Variants in UGT1A9 observed in about 807,000 individuals in gnomAD.
The protein encoded by UGT1A9 is UDP-glucuronosyltransferase 1A9.
A neutral mutation model predicts 45.0 loss-of-function variants in UGT1A9; 35 were observed. That is an observed-to-expected ratio of 0.78 (90% CI 0.59 to 1.03). UGT1A9 has a LOEUF of 1.03. UGT1A9 is among the 50% of genes least tolerant of loss of function. UGT1A9 has a pLI of 0.00. For missense variants in UGT1A9, 687 were observed against 666.6 expected (o/e 1.03, Z -0.34); for synonymous variants, 278 against 250.6 (o/e 1.11, Z -1.03).
intron 1 of UGT1A9, chr2:233,693,055 C>A: frequency 6.2e-7 from 1 of 1,614,174 alleles, no homozygotes; most frequent in South Asian, 1.1e-5. Context: ...GGGTTTTCTT[C>A]TTAGCACTTT....
chr2:233,713,411 C>G (rs1475467341), intron 1 of UGT1A9: 6 of 1,614,112 alleles, frequency 3.7e-6, no homozygotes, highest in Non-Finnish European at 5.1e-6. Flanking sequence ...TGATCAGGCA[C>G]CTGCATGCTA....
intron 1 of UGT1A9, among the ~76,000 whole-genome samples, chr2:233,738,155 C>A (rs1206692436): frequency 1.3e-5 from 2 of 152,160 alleles, no homozygotes; most frequent in Non-Finnish European, 2.9e-5. Context: ...GCAAGCTATT[C>A]CTCTTTCTCT....
At chr2:233,748,812 T>C (rs1268165995) in intron 1 of UGT1A9, among the ~76,000 whole-genome samples, 2 of 151,274 alleles carry the variant, frequency 1.3e-5, no homozygotes. Context: ...CAAGAAATTG[T>C]GGAAGGGTCT....
chr2:233,686,416 T>C (rs2074788594), intron 1 of UGT1A9, among the ~76,000 whole-genome samples: 1 of 152,184 alleles, frequency 6.6e-6, no homozygotes, highest in Non-Finnish European at 1.5e-5. Context: ...GGTGTGCAGA[T>C]AAACACACGC....
intron 1 of UGT1A9, chr2:233,718,627 T>C (rs1335320809): frequency 1.1e-6 from 1 of 929,164 alleles, no homozygotes; most frequent in Non-Finnish European, 1.3e-6. Flanking sequence ...GTGATTGGTC[T>C]TTCCCAGGGT....
chr2:233,763,841 T>C (rs1452550547), intron 1 of UGT1A9, among the ~76,000 whole-genome samples: 1 of 152,178 alleles, frequency 6.6e-6, no homozygotes, highest in Admixed American at 6.5e-5. Context: ...CAGGGTAAGA[T>C]AGCAGTGGTT....
At chr2:233,719,051 G>T in intron 1 of UGT1A9, 1 of 1,614,262 alleles carries the variant, frequency 6.2e-7, no homozygotes, top group Non-Finnish European at 8.5e-7. Context: ...TTTTCACCCT[G>T]ACAGCCTATG....
chr2:233,679,016 G>A (rs1203184206), intron 1 of UGT1A9, among the ~76,000 whole-genome samples: 1 of 152,206 alleles, frequency 6.6e-6, no homozygotes, highest in Non-Finnish European at 1.5e-5. Context: ...CTTCAGTGGT[G>A]TAATCCTTCT....
intron 1 of UGT1A9, among the ~76,000 whole-genome samples, chr2:233,702,574 T>G (rs2075694345): frequency 6.6e-6 from 1 of 152,166 alleles, no homozygotes. Flanking sequence ...TTTTAGCAGA[T>G]TAGGTCTTAA....
At chr2:233,747,651 G>C in intron 1 of UGT1A9, 1 of 1,588,730 alleles carries the variant, frequency 6.3e-7, no homozygotes, top group Non-Finnish European at 8.6e-7. Flanking sequence ...TACTTCCTTC[G>C]ATGTGGTTTT....
chr2:233,732,720 A>G lies in UGT1A9; in HGVS notation c.856-34314A>G, dbSNP rs554458452. On this transcript the variant is annotated intron_variant, in intron 1 of 4. Transcript: ENST00000354728. ...TTTTGTTACTGTAGCCTTGTAGTAC[A>G]GTTTGAAGTCAGGTAGCATGATGCC... Among the ~76,000 whole-genome samples, 386 of 148,730 alleles carry G rather than the reference A, an allele frequency of 2.6e-3. 1 individual carries two copies. The highest frequency in any genetic ancestry group is 3.9e-3 in the Non-Finnish European group (263 of 67,550).
At chr2:233,689,917 A>G (rs562345639) in intron 1 of UGT1A9, 1 of 456,690 alleles carries the variant, frequency 2.2e-6, no homozygotes, top group Admixed American at 2.3e-5. Context: ...AGGTGCCTGG[A>G]ATTTCCTTCG....
intron 1 of UGT1A9, among the ~76,000 whole-genome samples, chr2:233,760,000 T>C (rs1697300608): frequency 6.6e-6 from 1 of 152,218 alleles, no homozygotes; most frequent in Admixed American, 6.5e-5. Context: ...TCTGTGGAAA[T>C]ACTAATTTAA....
intron 1 of UGT1A9, among the ~76,000 whole-genome samples, chr2:233,705,054 T>C (rs1353649860): frequency 6.6e-6 from 1 of 151,808 alleles, no homozygotes; most frequent in Non-Finnish European, 1.5e-5. Context: ...GAGAATTGCT[T>C]GAACCCGGGA....
intron 1 of UGT1A9, chr2:233,760,697 T>C (rs1697532735): frequency 6.2e-7 from 1 of 1,614,264 alleles, no homozygotes; most frequent in Non-Finnish European, 8.5e-7. Context: ...AAGGAGCTCA[T>C]GGCCTCCCTG....
rs17862868 is a variant in UGT1A9 at position 233,713,736 on chromosome 2, G to C, written c.855+40947G>C. 0.091 allele frequency: 144,308 copies of C among 1,587,106 alleles called. 8,660 individuals carry two copies. The highest frequency in any genetic ancestry group is 0.18 in the South Asian group (15,774 of 87,104). On this transcript the variant is annotated intron_variant, in intron 1 of 4. Coordinates refer to ENST00000354728, the MANE Select transcript of UGT1A9 (RefSeq NM_021027.3). ...GAGAGAGGTGTCAGTGGTGGATCTT[G>C]TCAGCCATGCATCTGTGTGGCTGTT... is the stretch of plus-strand genomic sequence containing the variant.
intron 1 of UGT1A9, chr2:233,754,798 C>T (rs781516183): frequency 6.4e-6 from 8 of 1,247,628 alleles, no homozygotes; most frequent in African/African-American, 6.1e-5. Context: ...AATCCTGTAT[C>T]AAAAGAAGAA....
chr2:233,744,390 C>A (rs894432341), intron 1 of UGT1A9, among the ~76,000 whole-genome samples: 4 of 151,862 alleles, frequency 2.6e-5, no homozygotes, highest in Non-Finnish European at 5.9e-5. Context: ...AACGTTCCAG[C>A]CCCGGTGCCC....
Position 233,772,737 on chromosome 2 carries a change from G to A in UGT1A9, c.*178G>A. ...ATAAAAATAATAGACTCGCTAGTCA[G>A]TAAAGATATTTGAATATGTATCGTG... On this transcript the variant is annotated 3_prime_UTR_variant, in exon 5 of 5. Transcript: ENST00000354728. The A allele has an allele frequency of 7.0e-7, 1 of 1,436,900 alleles. No individual in the cohort carries two copies. Among genetic ancestry groups the A allele is most frequent in the Non-Finnish European group, 9.1e-7 (1 of 1,096,214 alleles). 89.0% of individuals were successfully genotyped at this position (1,436,900 alleles called of 1,614,324 possible). A position where few individuals can be genotyped will look rare whatever the true frequency, so the allele number is the denominator to read the frequency against.
Sources: gnomAD v4.1 joint callset for allele counts (sites outside exome capture counted in the v4.1 genomes callset) on GRCh38, gnomAD v4.1.1 for gene constraint, MANE v1.5 for transcripts, NCBI Gene and HGNC (gene_info 2026-07-23, HGNC 2026-07-21) for gene names.